SLCO3A1: variants seen among roughly 807,000 people sequenced by gnomAD.
The protein encoded by SLCO3A1 is solute carrier organic anion transporter family member 3A1, also known as PGE1 transporter.
Under a neutral mutation model 63.1 loss-of-function variants are expected in SLCO3A1, and 27 were observed. The ratio of observed to expected loss-of-function variants is 0.43; its 90% CI spans 0.32 to 0.59. SLCO3A1 has a LOEUF of 0.59. SLCO3A1 is among the 20% of genes least tolerant of loss of function. The pLI is 0.09. For synonymous variants in SLCO3A1, 473 were observed against 409.9 expected, an observed-to-expected ratio of 1.15 and a Z score of -1.86; for missense variants, 773 against 945.8, an observed-to-expected ratio of 0.82 and a Z score of 2.40.
In SLCO3A1 at chr15:91,988,261, G is replaced by T. The variant is rs78960631; in HGVS notation, c.646+71803G>T. ...CTACAAAAAAAATAAGCCGGGCATG[G>T]TGGGGGGAGGAGGAGGCTGCAGTGA... On this transcript the variant is annotated intron_variant, in intron 2 of 9. Transcript: ENST00000318445. 1.0e-3 allele frequency among the ~76,000 whole-genome samples: 154 copies of T among 152,044 alleles called. 1 individual carries two copies. In the East Asian group the frequency reaches 0.019, roughly 19 times the overall value.
At chr15:91,890,227 A>G (rs1213766381) in intron 1 of SLCO3A1, among the ~76,000 whole-genome samples, 1 of 152,246 alleles carries the variant, frequency 6.6e-6, no homozygotes, top group Non-Finnish European at 1.5e-5. Flanking sequence ...ACCCACTGTC[A>G]TGATTCTGCA....
In SLCO3A1 at chr15:92,148,004, C is replaced by T. The variant is rs28576608; in HGVS notation, c.1688+845C>T. Among the ~76,000 whole-genome samples the T allele has an allele frequency of 4.5e-3, 682 of 152,220 alleles. 5 individuals are homozygous for T. The highest frequency in any genetic ancestry group is 0.016 in the African/African-American group (657 of 41,546). On this transcript the variant is annotated intron_variant, in intron 8 of 9. Coordinates refer to ENST00000318445, the MANE Select transcript of SLCO3A1 (RefSeq NM_013272.4). Reference sequence around the variant, plus strand: ...GGCCAAGGCTGGAGGATCGCTTGAGCCCAGGGGTTTGAGACCAGCCTAGCC... The same window carrying T: ...GGCCAAGGCTGGAGGATCGCTTGAGTCCAGGGGTTTGAGACCAGCCTAGCC...
Position 91,964,296 on chromosome 15 carries a change from A to ATT in SLCO3A1, c.646+47846_646+47847dup, listed in dbSNP as rs35669956. ...AGATACAACGGCCTTGTCATCTGTA[A>ATT]TTTTTTTTTGTTTTTGGTCATTTTT... On this transcript the variant is annotated intron_variant, in intron 2 of 9. Coordinates refer to ENST00000318445, the MANE Select transcript of SLCO3A1 (RefSeq NM_013272.4). Among the ~76,000 whole-genome samples the ATT allele has an allele frequency of 7.3e-4, 110 of 151,362 alleles. 1 individual carries two copies. The East Asian group carries it at 0.015, about 20-fold the overall frequency.
intron 9 of SLCO3A1, among the ~76,000 whole-genome samples, chr15:92,157,433 C>A (rs1347682141): frequency 1.3e-5 from 2 of 151,792 alleles, no homozygotes; most frequent in Non-Finnish European, 2.9e-5. Context: ...GGCCCCCCCC[C>A]TTGTCCTCCC....
At chr15:92,118,511 T>C (rs17597608) in intron 4 of SLCO3A1, among the ~76,000 whole-genome samples, 3,324 of 152,366 alleles carry the variant, frequency 0.022, 58 homozygotes, top group Admixed American at 0.039. Flanking sequence ...TCTTGACTTA[T>C]TGAGCTTGTC....
chr15:91,931,151 T>C (rs890207030), intron 2 of SLCO3A1, among the ~76,000 whole-genome samples: 3 of 152,174 alleles, frequency 2.0e-5, no homozygotes, highest in Admixed American at 6.5e-5. Context: ...GTAGTTACTG[T>C]TAGAGAAAAG....
rs1159458377 is a variant in SLCO3A1, at chr15:92,104,275, A to G, written c.746-4A>G. The G allele has an allele frequency of 5.6e-6, 9 of 1,613,798 alleles. No individual in the cohort carries two copies. Among genetic ancestry groups the G allele is most frequent in the Non-Finnish European group, 7.6e-6 (9 of 1,179,960 alleles). ...CCACTAAGCTGTGCTCTTTCCATTTACAGGTAACCTGGACATCACTCCGGA... is the reference window on the plus strand; with the variant it reads ...CCACTAAGCTGTGCTCTTTCCATTTGCAGGTAACCTGGACATCACTCCGGA... On this transcript the variant is annotated splice_polypyrimidine_tract_variant and splice_region_variant and intron_variant, in intron 3 of 9. Coordinates refer to ENST00000318445, the MANE Select transcript of SLCO3A1 (RefSeq NM_013272.4).
intron 2 of SLCO3A1, among the ~76,000 whole-genome samples, chr15:91,961,886 C>G (rs1262571337): frequency 6.6e-6 from 1 of 152,214 alleles, no homozygotes; most frequent in East Asian, 1.9e-4. Context: ...AGGGACCCAG[C>G]ACATGTGTAC....
At chr15:92,145,859 TG>T (rs2048214886) in intron 7 of SLCO3A1, among the ~76,000 whole-genome samples, 1 of 152,116 alleles carries the variant, frequency 6.6e-6, no homozygotes, top group Non-Finnish European at 1.5e-5. Context: ...AAGCCCCTGT[TG>T]GGGGCACAGC....
intron 7 of SLCO3A1, among the ~76,000 whole-genome samples, chr15:92,135,828 G>A (rs1257973609): frequency 1.3e-5 from 2 of 152,178 alleles, no homozygotes; most frequent in African/African-American, 4.8e-5. Context: ...GGAAGAGCAT[G>A]GCCTGTGGTG....
At chr15:91,899,718 A>C (rs1898104065) in intron 1 of SLCO3A1, among the ~76,000 whole-genome samples, 1 of 152,172 alleles carries the variant, frequency 6.6e-6, no homozygotes, top group Non-Finnish European at 1.5e-5. Flanking sequence ...TCAGTTTTAA[A>C]ACATTCCATC....
chr15:92,153,210 C>T (rs958338239), intron 9 of SLCO3A1, among the ~76,000 whole-genome samples: 2 of 151,418 alleles, frequency 1.3e-5, no homozygotes, highest in Admixed American at 6.6e-5. Context: ...TGGCCCAGTA[C>T]GCACATGCCT....
chr15:92,040,340 A>T (rs929334071), intron 2 of SLCO3A1, among the ~76,000 whole-genome samples: 2 of 152,248 alleles, frequency 1.3e-5, no homozygotes, highest in African/African-American at 4.8e-5. Flanking sequence ...ATTCAAAGGC[A>T]TGGAAACAGA....
rs570122071 is a variant in SLCO3A1, at chr15:91,900,846, G to A, written c.181-15147G>A. ...TACTGTTGATTTGTAAGGTTGGTAG[G>A]TAGTTTTGTTCAAATCATCTTTATC... On this transcript the variant is annotated intron_variant, in intron 1 of 9. Coordinates refer to ENST00000318445, the MANE Select transcript of SLCO3A1 (RefSeq NM_013272.4). The surrounding 1 kb of genome is among the most constrained non-coding windows in gnomAD (Gnocchi z 4.3). Among the ~76,000 whole-genome samples the A allele has an allele frequency of 6.6e-6, 1 of 152,268 alleles. No homozygotes were observed. The highest frequency in any genetic ancestry group is 1.9e-4 in the East Asian group (1 of 5,188).
intron 7 of SLCO3A1, among the ~76,000 whole-genome samples, chr15:92,136,166 A>C (rs1315499977): frequency 6.6e-6 from 1 of 152,244 alleles, no homozygotes; most frequent in African/African-American, 2.4e-5. Context: ...GCTTTCAAGG[A>C]GGAAAAGCAA....
intron 3 of SLCO3A1, 132 bp from the exon 4 acceptor site, chr15:92,104,147 C>T (rs1489809778): frequency 5.0e-6 from 5 of 1,001,516 alleles, no homozygotes; most frequent in Non-Finnish European, 7.4e-6. Flanking sequence ...CGTAGCCTGG[C>T]AGCCAGTGTT....
At chr15:91,936,004 G>A (rs1899399558) in intron 2 of SLCO3A1, among the ~76,000 whole-genome samples, 1 of 152,220 alleles carries the variant, frequency 6.6e-6, no homozygotes, top group Non-Finnish European at 1.5e-5. Flanking sequence ...CATCGAGCAA[G>A]GAGTCACAAG....
At chr15:92,143,556 G>T (rs758826577) in intron 7 of SLCO3A1, among the ~76,000 whole-genome samples, 1 of 123,188 alleles carries the variant, frequency 8.1e-6, no homozygotes, top group Non-Finnish European at 1.6e-5. Context: ...TAGGGAATAC[G>T]GCCACAGTGG....
intron 4 of SLCO3A1, among the ~76,000 whole-genome samples, chr15:92,115,490 T>C (rs2047783349): frequency 6.6e-6 from 1 of 152,146 alleles, no homozygotes; most frequent in East Asian, 1.9e-4. Context: ...TTCTTTTATA[T>C]TAATTATTAT....
Sources: allele counts gnomAD v4.1 joint callset (sites outside exome capture counted in the v4.1 genomes callset), GRCh38; gene constraint gnomAD v4.1.1; non-coding constraint Gnocchi (gnomAD v3.1); transcripts MANE v1.5; gene names NCBI Gene and HGNC (gene_info 2026-07-23, HGNC 2026-07-21).